Variants in ZMAT4 observed in about 807,000 individuals in gnomAD.
The protein encoded by ZMAT4 is zinc finger matrin-type protein 4.
ZMAT4 carries 17 observed loss-of-function variants against 28.7 expected under a neutral mutation model. The observed-to-expected ratio is 0.59, with a 90% CI of 0.41 to 0.89. The LOEUF is 0.89. Ranked by LOEUF, ZMAT4 falls within the 40% of genes least tolerant of loss-of-function variation. The probability of loss-of-function intolerance (pLI) is 0.00; values close to 1 mark genes in which losing one functional copy is unlikely to be tolerated. For synonymous variants in ZMAT4, 117 were observed against 109.2 expected (o/e 1.07, Z -0.44); for missense variants, 240 against 283.8 (o/e 0.85, Z 1.11).
rs539318350 is a variant in ZMAT4, at chr8:40,839,750, C to T, written c.-4-14070G>A. Reference sequence around the variant, plus strand: ...GCGTGTTCTCACTCATAAGTAGGTGCTAAAAAATGTATAACACATGGACAT... The same window carrying T: ...GCGTGTTCTCACTCATAAGTAGGTGTTAAAAAATGTATAACACATGGACAT... On this transcript the variant is annotated intron_variant, in intron 1 of 6. Transcript: ENST00000297737. 3.3e-5 allele frequency among the ~76,000 whole-genome samples: 5 copies of T among 152,014 alleles called. No individual in the cohort carries two copies. The East Asian group carries it at 9.7e-4, about 29-fold the overall frequency.
intron 5 of ZMAT4, among the ~76,000 whole-genome samples, chr8:40,615,764 G>A (rs140249939): frequency 0.068 from 10,327 of 152,202 alleles, 559 homozygotes; most frequent in Admixed American, 0.15. Flanking sequence ...TCGTGCCATG[G>A]TTTTCAGCTC....
intron 3 of ZMAT4, among the ~76,000 whole-genome samples, chr8:40,720,511 C>A (rs1483568808): frequency 3.3e-5 from 5 of 151,112 alleles, no homozygotes; most frequent in South Asian, 4.2e-4. Flanking sequence ...TATCAGCATG[C>A]CTGGGTAGAA....
At chr8:40,878,281 A>T (rs960229798) in intron 1 of ZMAT4, among the ~76,000 whole-genome samples, 1 of 152,180 alleles carries the variant, frequency 6.6e-6, no homozygotes, top group Non-Finnish European at 1.5e-5. Context: ...CCTCACTTGA[A>T]GTCAGGTGGC....
intron 6 of ZMAT4, among the ~76,000 whole-genome samples, chr8:40,577,966 T>C (rs959495978): frequency 2.6e-5 from 4 of 152,126 alleles, no homozygotes; most frequent in South Asian, 2.1e-4. Context: ...CGCTGGTATA[T>C]ACCATGATTA....
At chr8:40,683,138 G>A (rs1385694622) in intron 4 of ZMAT4, among the ~76,000 whole-genome samples, 1 of 152,124 alleles carries the variant, frequency 6.6e-6, no homozygotes, top group African/African-American at 2.4e-5. Context: ...TGAATGAAGG[G>A]AGCAGCTTAT....
rs193064893 is a variant in ZMAT4 at position 40,863,320 on chromosome 8, T to C, written c.-5+34363A>G. Among the ~76,000 whole-genome samples, 18 of 151,978 alleles carry C rather than the reference T, an allele frequency of 1.2e-4. No homozygotes were observed. The East Asian group carries it at 3.1e-3, about 26-fold the overall frequency. The stretch of plus-strand genomic sequence containing the variant: ...TGGTAAAAGCATGTAGATTAAACCA[T>C]GTGAAGGATTATGGAGGGCTGTTCC... On this transcript the variant is annotated intron_variant, in intron 1 of 6. Coordinates refer to ENST00000297737, the MANE Select transcript of ZMAT4 (RefSeq NM_024645.3).
At chr8:40,754,334 A>G (rs1307458417) in intron 3 of ZMAT4, among the ~76,000 whole-genome samples, 1 of 152,148 alleles carries the variant, frequency 6.6e-6, no homozygotes, top group Non-Finnish European at 1.5e-5. Context: ...AGGGAAAACA[A>G]TTATTTCCAC....
chr8:40,587,025 A>G (rs958938023), intron 5 of ZMAT4, among the ~76,000 whole-genome samples: 1 of 151,960 alleles, frequency 6.6e-6, no homozygotes, highest in African/African-American at 2.4e-5. Context: ...AGAGGAGGGT[A>G]AAGAGCTATC....
intron 3 of ZMAT4, among the ~76,000 whole-genome samples, chr8:40,729,322 T>A (rs958590825): frequency 6.6e-6 from 1 of 152,212 alleles, no homozygotes; most frequent in Non-Finnish European, 1.5e-5. Context: ...ATGGGAGGTC[T>A]GTGTATTGTG....
chr8:40,665,502 G>A (rs1808375467), intron 5 of ZMAT4, among the ~76,000 whole-genome samples: 2 of 152,132 alleles, frequency 1.3e-5, no homozygotes, highest in African/African-American at 4.8e-5. Flanking sequence ...CATGAATAGT[G>A]ACTACAGTTC....
chr8:40,872,561 G>A (rs1446091289), intron 1 of ZMAT4, among the ~76,000 whole-genome samples: 6 of 152,168 alleles, frequency 3.9e-5, no homozygotes, highest in African/African-American at 1.4e-4. Context: ...GGGGGTAAGG[G>A]GTGGGCCTTA....
intron 3 of ZMAT4, among the ~76,000 whole-genome samples, chr8:40,726,848 C>T (rs1170066748): frequency 6.6e-6 from 1 of 152,182 alleles, no homozygotes. Context: ...TGCCAACTCT[C>T]TTGGGGGCTT....
intron 5 of ZMAT4, among the ~76,000 whole-genome samples, chr8:40,596,152 A>T (rs180938755): frequency 1.3e-5 from 2 of 152,160 alleles, no homozygotes; most frequent in Non-Finnish European, 2.9e-5. Context: ...AGTACATTGT[A>T]TGGGGCACCT....
intron 5 of ZMAT4, among the ~76,000 whole-genome samples, chr8:40,633,174 A>G (rs1806658311): frequency 6.6e-6 from 1 of 152,202 alleles, no homozygotes. Context: ...CAGTAATGCT[A>G]TAGCCATGGG....
chr8:40,603,949 T>C (rs957063664), intron 5 of ZMAT4, among the ~76,000 whole-genome samples: 16 of 152,192 alleles, frequency 1.1e-4, no homozygotes, highest in Non-Finnish European at 2.1e-4. Flanking sequence ...ATTAGGTCTA[T>C]TTCTAAGTAT....
At chr8:40,826,291 C>T (rs77457629) in intron 1 of ZMAT4, among the ~76,000 whole-genome samples, 5,482 of 152,138 alleles carry the variant, frequency 0.036, 228 homozygotes, top group East Asian at 0.2. Flanking sequence ...TTTCAGGGAA[C>T]ATTAGGAAAA....
In ZMAT4 at chr8:40,552,498, G is replaced by A. The variant is rs75408282; in HGVS notation, c.675-20260C>T. Among the ~76,000 whole-genome samples, 942 of 152,278 alleles carry A rather than the reference G, an allele frequency of 6.2e-3. 7 individuals carry two copies. The highest frequency in any genetic ancestry group is 0.022 in the African/African-American group (905 of 41,554). On this transcript the variant is annotated intron_variant, in intron 6 of 6. Transcript: ENST00000297737. ...CTGCAAAGGACTGGATAAGCCATTTGTGTTAAGGAGACTTCAATACATTTA... is the reference window on the plus strand; with the variant it reads ...CTGCAAAGGACTGGATAAGCCATTTATGTTAAGGAGACTTCAATACATTTA...
intron 5 of ZMAT4, among the ~76,000 whole-genome samples, chr8:40,643,712 C>T (rs191916183): frequency 1.1e-3 from 163 of 150,994 alleles, no homozygotes; most frequent in Admixed American, 2.1e-3. Context: ...CCAAAAGATG[C>T]CCATTTAAGC....
intron 2 of ZMAT4, among the ~76,000 whole-genome samples, chr8:40,820,874 T>C (rs1465930225): frequency 1.3e-5 from 1 of 78,738 alleles, no homozygotes; most frequent in Non-Finnish European, 2.9e-5. Context: ...TGTGTTTATG[T>C]GTGCATGTGT....
Sources: allele counts gnomAD v4.1 joint callset (sites outside exome capture counted in the v4.1 genomes callset), GRCh38; gene constraint gnomAD v4.1.1; transcripts MANE v1.5; gene names NCBI Gene and HGNC (gene_info 2026-07-23, HGNC 2026-07-21).